ACTA2: variants seen among roughly 807,000 people sequenced by gnomAD.
The protein encoded by ACTA2 is actin, aortic smooth muscle.
Under a neutral mutation model 39.5 loss-of-function variants are expected in ACTA2, and 12 were observed. The ratio of observed to expected loss-of-function variants is 0.30; its 90% CI spans 0.19 to 0.49. The LOEUF (loss-of-function observed/expected upper bound fraction) is 0.49, where lower values mean the gene tolerates loss of function less well. ACTA2 is among the 20% of genes least tolerant of loss of function. ACTA2 has a pLI of 0.99. For synonymous variants in ACTA2, 158 were observed against 180.6 expected (o/e 0.88, Z 1.00); for missense variants, 236 against 498.8 (o/e 0.47, Z 5.02).
rs544529711 is a variant in ACTA2, at chr10:88,961,004, T to A, written c.-23-12051A>T. On this transcript the variant is annotated intron_variant, in intron 1 of 4. Transcript: ENST00000415557. ...TTTAGTAATCAAGGAGTGTGTGTGT[T>A]GAGAATTGTGGGAGGTTTAGAAGCC... 4.6e-5 allele frequency among the ~76,000 whole-genome samples: 7 copies of A among 152,152 alleles called. No homozygotes were observed. In the South Asian group the frequency reaches 1.5e-3, roughly 32 times the overall value.
intron 1 of ACTA2, among the ~76,000 whole-genome samples, chr10:88,976,873 T>C (rs1846576660): frequency 6.6e-6 from 1 of 152,240 alleles, no homozygotes; most frequent in Non-Finnish European, 1.5e-5. Context: ...TTAGAGCTTC[T>C]TAGAGGCTCA....
At position 88,942,698 on chromosome 10, in the gene ACTA2, C is replaced by T. The variant is rs538827852; in HGVS notation, c.370-829G>A. Among the ~76,000 whole-genome samples, 3 of 152,236 alleles carry T rather than the reference C, an allele frequency of 2.0e-5. No homozygotes were observed. The East Asian group carries it at 5.8e-4, about 29-fold the overall frequency. ...TGTAAGACCCTTCCTACTCTATTAA[C>T]CAGAATGTCTGACATCATTTGCTAG... On this transcript the variant is annotated intron_variant, in intron 4 of 8. Coordinates refer to ENST00000224784, the MANE Select transcript of ACTA2 (RefSeq NM_001613.4).
chr10:88,944,973 C>T lies in ACTA2; in HGVS notation c.259-1066G>A, dbSNP rs193112948. 7.2e-5 allele frequency among the ~76,000 whole-genome samples: 11 copies of T among 152,286 alleles called. No individual in the cohort carries two copies. The East Asian group carries it at 2.1e-3, about 29-fold the overall frequency. On this transcript the variant is annotated intron_variant, in intron 3 of 8. Coordinates refer to ENST00000224784, the MANE Select transcript of ACTA2 (RefSeq NM_001613.4). ...TAGCTTTAAAGACTATCTTATTCCACTTTCTTTTGTTTTGGATTTGTGGTT... is the reference window on the plus strand; with the variant it reads ...TAGCTTTAAAGACTATCTTATTCCATTTTCTTTTGTTTTGGATTTGTGGTT...
chr10:88,948,990 T>C (rs1273564076), intron 1 of ACTA2, 37 bp from the exon 2 acceptor site: 6 of 1,609,762 alleles, frequency 3.7e-6, no homozygotes, highest in East Asian at 2.2e-5. Context: ...TCAGCTGTAA[T>C]TGGGCATTTG....
chr10:88,980,250 G>A (rs975793891), intron 1 of ACTA2, among the ~76,000 whole-genome samples: 2 of 152,148 alleles, frequency 1.3e-5, no homozygotes, highest in African/African-American at 4.8e-5. Flanking sequence ...AGAAGTCAGG[G>A]CATGAGGTAT....
At chr10:88,960,098 T>C (rs1846202585) in intron 1 of ACTA2, among the ~76,000 whole-genome samples, 1 of 152,200 alleles carries the variant, frequency 6.6e-6, no homozygotes, top group Non-Finnish European at 1.5e-5. Flanking sequence ...GTATCTTCCA[T>C]ACTATACTCT....
At chr10:88,985,941 G>A (rs771484439) in intron 1 of ACTA2, among the ~76,000 whole-genome samples, 11 of 152,142 alleles carry the variant, frequency 7.2e-5, no homozygotes, top group East Asian at 3.8e-4. Context: ...CAAATATTTT[G>A]TTTCAATAGT....
chr10:88,986,632 C>G (rs753742624), intron 1 of ACTA2, among the ~76,000 whole-genome samples: 35 of 151,084 alleles, frequency 2.3e-4, no homozygotes, highest in Non-Finnish European at 2.7e-4. Flanking sequence ...GGAAGTAGTA[C>G]AGAAAGGAAG....
intron 1 of ACTA2, chr10:88,973,503 T>A: frequency 1.6e-6 from 1 of 610,806 alleles, no homozygotes. Flanking sequence ...TACTCATGGA[T>A]GTGAGGCCAG....
chr10:88,936,965 C>T (rs944810342), intron 8 of ACTA2, among the ~76,000 whole-genome samples: 1 of 152,134 alleles, frequency 6.6e-6, no homozygotes, highest in Admixed American at 6.6e-5. Flanking sequence ...CTAGGAACTG[C>T]CCAACTCTAG....
chr10:88,945,817 A>G (rs1845936591), intron 3 of ACTA2, among the ~76,000 whole-genome samples: 1 of 152,336 alleles, frequency 6.6e-6, no homozygotes, highest in East Asian at 1.9e-4. Context: ...AGAGTGAGTT[A>G]ATGAAAACCT....
At chr10:88,984,306 A>C (rs1442403180) in intron 1 of ACTA2, among the ~76,000 whole-genome samples, 3 of 152,156 alleles carry the variant, frequency 2.0e-5, no homozygotes, top group Admixed American at 1.3e-4. Flanking sequence ...TGTAGAGAAG[A>C]GTCTAAAGTG....
chr10:88,946,830 T>C (rs1450030473), intron 3 of ACTA2: 1 of 168,534 alleles, frequency 5.9e-6, no homozygotes, highest in Non-Finnish European at 1.3e-5. Context: ...GCCATGTTGG[T>C]GTGCTGCACC....
chr10:88,936,887 T>A (rs1439361142), intron 8 of ACTA2, among the ~76,000 whole-genome samples: 2 of 152,332 alleles, frequency 1.3e-5, no homozygotes, highest in African/African-American at 2.4e-5. Context: ...TGGTTCTCTA[T>A]ACTATCTCAT....
At chr10:88,976,231 A>G (rs968253132) in intron 1 of ACTA2, among the ~76,000 whole-genome samples, 9 of 152,184 alleles carry the variant, frequency 5.9e-5, no homozygotes, top group African/African-American at 2.2e-4. Context: ...AAAATCTCAT[A>G]ATGTTTTAAG....
intron 1 of ACTA2, among the ~76,000 whole-genome samples, chr10:88,969,330 A>G (rs1041506151): frequency 6.6e-6 from 1 of 152,194 alleles, no homozygotes; most frequent in African/African-American, 2.4e-5. Flanking sequence ...AGAAGTGAGT[A>G]TTTCCACATT....
chr10:88,955,473 A>T (rs1846122678), upstream of ACTA2, among the ~76,000 whole-genome samples: 2 of 152,234 alleles, frequency 1.3e-5, no homozygotes, highest in Non-Finnish European at 2.9e-5. Flanking sequence ...GGAGAGTCAC[A>T]AACAGTTCTC....
At chr10:88,955,977 A>G (rs559632514), upstream of ACTA2, among the ~76,000 whole-genome samples, 3 of 152,310 alleles carry the variant, frequency 2.0e-5, no homozygotes, top group Admixed American at 2.0e-4. Context: ...TGAGGCGTTA[A>G]TAGGTTAGAA....
chr10:88,947,119 C>T, intron 3 of ACTA2, 139 bp downstream of exon 3: 1 of 1,284,298 alleles, frequency 7.8e-7, no homozygotes, highest in South Asian at 1.4e-5. Flanking sequence ...GGGTAATAAC[C>T]CAGAATGAAC....
Sources: allele counts gnomAD v4.1 joint callset (sites outside exome capture counted in the v4.1 genomes callset), GRCh38; gene constraint gnomAD v4.1.1; transcripts MANE v1.5; gene names NCBI Gene and HGNC (gene_info 2026-07-23, HGNC 2026-07-21).